The following GRID1 variants were observed in gnomAD, a reference collection of about 807,000 sequenced individuals.
The protein encoded by GRID1 is glutamate ionotropic receptor delta type subunit 1.
Under a neutral mutation model 98.0 loss-of-function variants are expected in GRID1, and 28 were observed. The observed-to-expected ratio is 0.29, with a 90% confidence interval of 0.21 to 0.39. The LOEUF is 0.39. GRID1 is among the 10% of genes least tolerant of loss of function. GRID1 has a pLI of 1.00. For synonymous variants in GRID1, 553 were observed against 538.5 expected (o/e 1.03, Z -0.37); for missense variants, 1,111 against 1,340.5 (o/e 0.83, Z 2.67).
Position 85,895,637 on chromosome 10 carries a change from A to C in GRID1, c.780+20549T>G, listed in dbSNP as rs573607227. Among the ~76,000 whole-genome samples, 6 of 152,298 alleles carry C rather than the reference A, an allele frequency of 3.9e-5. No individual in the cohort carries two copies. In the East Asian group the frequency reaches 1.2e-3, roughly 29 times the overall value. On this transcript the variant is annotated intron_variant, in intron 5 of 15. Transcript: ENST00000327946. ...TCCCAGTACTGTGTGGTGTGAGCTG[A>C]GGGACAAAAACCTAATGGTTAACAG...
At chr10:86,062,358 G>A (rs1843661440) in intron 4 of GRID1, among the ~76,000 whole-genome samples, 1 of 152,070 alleles carries the variant, frequency 6.6e-6, no homozygotes, top group East Asian at 1.9e-4. Context: ...ATTCCAGGGT[G>A]TAACTCACCC....
chr10:86,337,997 C>T (rs144492402), intron 2 of GRID1, among the ~76,000 whole-genome samples: 144 of 152,286 alleles, frequency 9.5e-4, no homozygotes, highest in Non-Finnish European at 1.6e-3. Context: ...CGTGAGCCAC[C>T]GTACCTGGCC....
At chr10:86,254,001 C>T (rs756712295) in intron 2 of GRID1, among the ~76,000 whole-genome samples, 4 of 152,142 alleles carry the variant, frequency 2.6e-5, no homozygotes, top group Non-Finnish European at 4.4e-5. Context: ...CACCCACCAA[C>T]ACTAACACCT....
chr10:86,341,781 T>A (rs1848314821), intron 2 of GRID1, among the ~76,000 whole-genome samples: 1 of 152,196 alleles, frequency 6.6e-6, no homozygotes, highest in Non-Finnish European at 1.5e-5. Context: ...TCAAAGGGCC[T>A]GGACCGAGTG....
chr10:85,998,899 T>C (rs1842771052), intron 4 of GRID1, among the ~76,000 whole-genome samples: 1 of 152,156 alleles, frequency 6.6e-6, no homozygotes, highest in Non-Finnish European at 1.5e-5. Context: ...TTAGATGACA[T>C]AGAACACCAA....
At chr10:86,309,246 G>A (rs1468198983) in intron 2 of GRID1, among the ~76,000 whole-genome samples, 2 of 152,108 alleles carry the variant, frequency 1.3e-5, no homozygotes, top group African/African-American at 4.8e-5. Context: ...AGTGAAAAAT[G>A]GGGTCCAGAT....
chr10:86,145,906 G>A (rs531593352), intron 3 of GRID1, among the ~76,000 whole-genome samples: 5 of 152,100 alleles, frequency 3.3e-5, no homozygotes, highest in African/African-American at 4.8e-5. Flanking sequence ...CGATGACCAC[G>A]TAGCCGGTGG....
intron 4 of GRID1, among the ~76,000 whole-genome samples, chr10:86,010,066 T>A (rs1276894351): frequency 6.6e-6 from 1 of 152,106 alleles, no homozygotes; most frequent in African/African-American, 2.4e-5. Flanking sequence ...CAAACACCCA[T>A]GAAAAGACAA....
intron 15 of GRID1, among the ~76,000 whole-genome samples, chr10:85,603,167 C>T (rs1024758594): frequency 1.3e-5 from 2 of 152,202 alleles, no homozygotes; most frequent in African/African-American, 4.8e-5. Flanking sequence ...AAAGGAGGCT[C>T]AGGCTCAGGA....
At position 85,727,783 on chromosome 10, in the gene GRID1, T is replaced by G. The variant is rs1841777457; in HGVS notation, c.1533+72A>C. ...GGTCCCAAGGTTTCCACTGTGCAAT[T>G]GGTCAAGTTTAGATATTACCCCAGA... On this transcript the variant is annotated intron_variant, in intron 10 of 15. Coordinates refer to ENST00000327946, the MANE Select transcript of GRID1 (RefSeq NM_017551.3). The G allele has an allele frequency of 3.5e-6, 4 of 1,150,928 alleles. No homozygotes were observed. The Middle Eastern group carries it at 8.5e-4, about 244-fold the overall frequency. 71.3% of individuals were successfully genotyped at this position (1,150,928 alleles called of 1,614,324 possible).
At chr10:85,662,841 C>T (rs1245073165) in intron 12 of GRID1, among the ~76,000 whole-genome samples, 2 of 152,170 alleles carry the variant, frequency 1.3e-5, no homozygotes, top group African/African-American at 4.8e-5. Flanking sequence ...TCCCCACTCT[C>T]CTCAGGATGA....
chr10:85,751,729 C>T (rs1842047560), intron 8 of GRID1, among the ~76,000 whole-genome samples: 3 of 151,944 alleles, frequency 2.0e-5, no homozygotes, highest in Non-Finnish European at 2.9e-5. Flanking sequence ...TGGTATGTGG[C>T]ATGAAGATAT....
At chr10:86,277,651 T>C (rs1283287499) in intron 2 of GRID1, among the ~76,000 whole-genome samples, 1 of 152,140 alleles carries the variant, frequency 6.6e-6, no homozygotes, top group Non-Finnish European at 1.5e-5. Flanking sequence ...TTTAGGATGT[T>C]AAGTGTAATC....
chr10:86,333,839 A>G (rs1388995397), intron 2 of GRID1, among the ~76,000 whole-genome samples: 1 of 152,006 alleles, frequency 6.6e-6, no homozygotes. Flanking sequence ...GCTGAGGGGG[A>G]GGAATAAGAG....
intron 2 of GRID1, among the ~76,000 whole-genome samples, chr10:86,238,456 T>C (rs533275285): frequency 1.3e-5 from 2 of 152,024 alleles, no homozygotes; most frequent in Admixed American, 1.3e-4. Context: ...GGTCAAGAGA[T>C]TGAGACCATC....
intron 12 of GRID1, among the ~76,000 whole-genome samples, chr10:85,716,618 C>T (rs548624559): frequency 6.1e-5 from 9 of 146,508 alleles, no homozygotes; most frequent in African/African-American, 1.2e-4. Context: ...ACATATATAA[C>T]GTATATAAAT....
intron 3 of GRID1, among the ~76,000 whole-genome samples, chr10:86,205,798 T>C (rs1846017202): frequency 6.6e-6 from 1 of 152,210 alleles, no homozygotes; most frequent in Non-Finnish European, 1.5e-5. Context: ...AAGCAAATTA[T>C]GATTTTTTTT....
At chr10:85,808,050 A>C (rs928436299) in intron 8 of GRID1, among the ~76,000 whole-genome samples, 5 of 152,180 alleles carry the variant, frequency 3.3e-5, no homozygotes, top group African/African-American at 1.2e-4. Flanking sequence ...GGCATGAATA[A>C]ATATATAATA....
intron 12 of GRID1, among the ~76,000 whole-genome samples, chr10:85,693,146 A>G (rs1219970428): frequency 6.6e-6 from 1 of 152,210 alleles, no homozygotes; most frequent in Non-Finnish European, 1.5e-5. Context: ...TCATCAAGAT[A>G]ATAAACTAAG....
Sources: gnomAD v4.1 joint callset for allele counts (sites outside exome capture counted in the v4.1 genomes callset) on GRCh38, gnomAD v4.1.1 for gene constraint, MANE v1.5 for transcripts, NCBI Gene and HGNC (gene_info 2026-07-23, HGNC 2026-07-21) for gene names.